Variants in MAP1A observed in about 807,000 individuals in gnomAD.
MAP1A encodes the protein microtubule associated protein 1A, also known as microtubule-associated protein 1A.
MAP1A carries 42 observed loss-of-function variants against 185.9 expected under a neutral mutation model. The ratio of observed to expected loss-of-function variants is 0.23; its 90% CI spans 0.18 to 0.29. The LOEUF (loss-of-function observed/expected upper bound fraction) is 0.29. Ranked by LOEUF, MAP1A falls within the 10% of genes least tolerant of loss-of-function variation. MAP1A has a pLI of 1.00. For missense variants in MAP1A, 2,995 were observed against 3,450.4 expected, an observed-to-expected ratio of 0.87 and a Z score of 3.31; for synonymous variants, 1,229 against 1,335.9, an observed-to-expected ratio of 0.92 and a Z score of 1.74.
Position 43,529,432 on chromosome 15 carries a change from G to A in MAP1A, c.7959G>A (p.Gln2653=). Residue 2653 remains glutamine, a synonymous_variant, in exon 4 of 6, where the codon CAG becomes CAA. Coordinates refer to ENST00000300231, the MANE Select transcript of MAP1A (RefSeq NM_002373.6). The surrounding 1 kb of genome is among the most constrained non-coding windows in gnomAD (Gnocchi z 4.3). ...CTCGACCACGCAGCACCACAAGCCA[G>A]GTCACCCCAGCAGAGGAAAAGGATG... ...APPRPRSTTS[Q]VTPAEEKDGH... is the part of the protein sequence containing the mutation. The A allele has an allele frequency of 6.2e-7, 1 of 1,613,926 alleles. No homozygotes were observed. The highest frequency in any genetic ancestry group is 8.5e-7 in the Non-Finnish European group (1 of 1,179,958).
In MAP1A at chr15:43,521,350, C is replaced by A. The variant is rs762432387; in HGVS notation, c.-124C>A. 7.4e-6 allele frequency: 12 copies of A among 1,612,556 alleles called. No individual in the cohort carries two copies. Among genetic ancestry groups the A allele is most frequent in the African/African-American group, 1.3e-5 (1 of 74,864 alleles). ...TTTCCCAATTGCTCAGCAATAGAGA[C>A]CCTGGGATACAGGCCTTCCTTACCG... On this transcript the variant is annotated 5_prime_UTR_variant, in exon 4 of 6. Transcript: ENST00000300231. The surrounding 1 kb of genome is among the most constrained non-coding windows in gnomAD (Gnocchi z 4.6).
chr15:43,525,250 T>G lies in MAP1A; in HGVS notation c.3777T>G (p.His1259Gln), dbSNP rs572797480. 1.9e-6 allele frequency: 3 copies of G among 1,614,168 alleles called. No individual in the cohort carries two copies. The highest frequency in any genetic ancestry group is 1.3e-5 in the African/African-American group (1 of 75,018). ...HTAPMSVPEP[H>Q]AATASPPTDG... The stretch of plus-strand genomic sequence containing the variant: ...CTCCCATGTCTGTTCCAGAGCCCCA[T>G]GCAGCCACAGCGTCACCTCCCACAG... Residue 1259 changes from histidine to glutamine, a missense_variant, in exon 4 of 6, where the codon CAT becomes CAG. Transcript: ENST00000300231.
chr15:43,530,527 T>C lies in MAP1A; in HGVS notation c.*303T>C, dbSNP rs527360399. On this transcript the variant is annotated 3_prime_UTR_variant, in exon 6 of 6. Coordinates refer to ENST00000300231, the MANE Select transcript of MAP1A (RefSeq NM_002373.6). ...TCAAATGCTGGTATTGAATGGGGAC[T>C]GAGGATGGGTCTCAGAGAGCAACCT... 4.5e-5 allele frequency: 15 copies of C among 330,702 alleles called. No homozygotes were observed. Among genetic ancestry groups the C allele is most frequent in the African/African-American group, 2.9e-4 (14 of 48,290 alleles). 20.5% of individuals were successfully genotyped at this position (330,702 alleles called of 1,614,324 possible).
Position 43,521,176 on chromosome 15 carries a change from G to A in MAP1A, c.-151+64G>A, listed in dbSNP as rs2079317799. The A allele has an allele frequency of 6.7e-7, 1 of 1,503,132 alleles. No individual in the cohort carries two copies. The highest frequency in any genetic ancestry group is 1.4e-5 in the African/African-American group (1 of 71,816). The allele number at this position is 1,503,132 out of a possible 1,614,324, so 93.1% of individuals were successfully genotyped here. ...ACTAGAGCTGTGGGAGGGATCTAAG[G>A]GAAAGTCTCATATTGCATGACCATG... On this transcript the variant is annotated intron_variant, in intron 3 of 5. Transcript: ENST00000300231. The surrounding 1 kb of genome is among the most constrained non-coding windows in gnomAD (Gnocchi z 4.6).
Position 43,526,188 on chromosome 15 carries a change from T to G in MAP1A, c.4715T>G (p.Leu1572Arg). 6.2e-7 allele frequency: 1 copy of G among 1,613,642 alleles called. No individual in the cohort carries two copies. The highest frequency in any genetic ancestry group is 8.5e-7 in the Non-Finnish European group (1 of 1,179,934). ...GCCCTGGAACAAAACATTCAGGCTC[T>G]GGAAGAGAACCACCAAACTCAGGAG... ...DEALEQNIQA[L>R]EENHQTQEQE... Residue 1572 changes from leucine (L) to arginine (R), a missense_variant, in exon 4 of 6, where the codon CTG becomes CGG. By Grantham distance (102) the Leu-to-Arg change is moderately radical. Transcript: ENST00000300231. This position sits in a 1 kb window ranked among gnomAD's most constrained non-coding sequence, Gnocchi z 4.7.
chr15:43,526,621 G>T lies in MAP1A; in HGVS notation c.5148G>T (p.Gly1716=). The T allele has an allele frequency of 6.2e-7, 1 of 1,614,116 alleles. No individual in the cohort carries two copies. Among genetic ancestry groups the T allele is most frequent in the South Asian group, 1.1e-5 (1 of 91,086 alleles). Residue 1716 remains glycine (G), a synonymous_variant, in exon 4 of 6, where the codon GGG becomes GGT. Coordinates refer to ENST00000300231, the MANE Select transcript of MAP1A (RefSeq NM_002373.6). The surrounding 1 kb of genome is among the most constrained non-coding windows in gnomAD (Gnocchi z 4.7). ...VWFPHELDGQ[G]ARPHYTEERE... is the part of the protein sequence containing the mutation. ...TCCCTCACGAGCTGGATGGCCAGGG[G>T]GCCCGCCCACACTACACTGAGGAAC...
At chr15:43,512,239 G>A in exon 2 of MAP1A, 1 of 1,550,468 alleles carries the variant, frequency 6.4e-7, no homozygotes, top group Non-Finnish European at 8.7e-7. Flanking sequence ...TGAACCAACA[G>A]TTGAGACTCT....
chr15:43,513,875 T>A (rs1042442594), upstream of MAP1A, among the ~76,000 whole-genome samples: 1 of 152,206 alleles, frequency 6.6e-6, no homozygotes, highest in African/African-American at 2.4e-5. Context: ...GAGGATGAAA[T>A]TAATGACTGA....
chr15:43,513,933 G>T (rs922715617), upstream of MAP1A, among the ~76,000 whole-genome samples: 3 of 152,202 alleles, frequency 2.0e-5, no homozygotes, highest in African/African-American at 7.2e-5. Flanking sequence ...CACACTGAAT[G>T]CTCTAACCTT....
At chr15:43,512,291 G>C in exon 2 of MAP1A, 1 of 1,525,596 alleles carries the variant, frequency 6.6e-7, no homozygotes, top group Middle Eastern at 1.7e-4. Flanking sequence ...AGAGGTCAAA[G>C]GTTAGGACTA....
In MAP1A at chr15:43,529,911, C is replaced by A. The variant is rs570382566; in HGVS notation, c.8256+41C>A. 6.3e-7 allele frequency: 1 copy of A among 1,593,326 alleles called. No homozygotes were observed. Among genetic ancestry groups the A allele is most frequent in the South Asian group, 1.1e-5 (1 of 90,350 alleles). On this transcript the variant is annotated intron_variant, in intron 5 of 5. Coordinates refer to ENST00000300231, the MANE Select transcript of MAP1A (RefSeq NM_002373.6). The surrounding 1 kb of genome is among the most constrained non-coding windows in gnomAD (Gnocchi z 4.3). The stretch of plus-strand genomic sequence containing the variant: ...CACCAAGGAAGTAGTCTGGTCAACG[C>A]TCACTCAGAGGCAGTAGTGGAACAC...
chr15:43,529,854 G>A lies in MAP1A; in HGVS notation c.8240G>A (p.Trp2747Ter), dbSNP rs762511140. The change falls in exon 5 of 6, where the codon TGG (tryptophan) becomes TAG (stop). Residue 2747 changes from tryptophan (W) to a stop codon, truncating the protein, a stop_gained. Coordinates refer to ENST00000300231, the MANE Select transcript of MAP1A (RefSeq NM_002373.6). LOFTEE classifies it high-confidence loss of function. This position sits in a 1 kb window ranked among gnomAD's most constrained non-coding sequence, Gnocchi z 4.3. Reference sequence around the variant, plus strand: ...GCCCTGCTGGAGGGCAAGGCCCAGTGGGGGGAGAATCTTCAGGTGAGTAGC... The same window carrying A: ...GCCCTGCTGGAGGGCAAGGCCCAGTAGGGGGAGAATCTTCAGGTGAGTAGC... ...LDALLEGKAQ[W>*]GENLQVTLIP... 1.2e-6 allele frequency: 2 copies of A among 1,613,374 alleles called. No homozygotes were observed. Among genetic ancestry groups the A allele is most frequent in the Non-Finnish European group, 1.7e-6 (2 of 1,179,964 alleles).
At position 43,527,721 on chromosome 15, in the gene MAP1A, G is replaced by A; in HGVS notation, c.6248G>A (p.Ser2083Asn). The change falls in exon 4 of 6, where the codon AGC becomes AAC. Residue 2083 changes from serine (S) to asparagine (N), a missense_variant. By Grantham distance (46) the Ser-to-Asn change is conservative. Transcript: ENST00000300231. ...PSPPLNGNIL[S>N]CSPDRRSPSP... is the part of the protein sequence containing the mutation. ...CCCCCTCTTAATGGTAACATCCTGAGCTGCAGCCCAGATAGGAGGTCCCCA... is the reference window on the plus strand; with the variant it reads ...CCCCCTCTTAATGGTAACATCCTGAACTGCAGCCCAGATAGGAGGTCCCCA... 1 of 1,612,728 alleles carries A rather than the reference G, an allele frequency of 6.2e-7. No individual in the cohort carries two copies. The highest frequency in any genetic ancestry group is 1.1e-5 in the South Asian group (1 of 91,036).
chr15:43,520,515 G>C, intron 1 of MAP1A, 126 bp from the exon 2 acceptor site: 1 of 694,414 alleles, frequency 1.4e-6, no homozygotes, highest in East Asian at 2.7e-5. Flanking sequence ...CAGTATCCAA[G>C]GTGGCAGGGC....
Position 43,522,770 on chromosome 15 carries a change from G to A in MAP1A, c.1297G>A (p.Asp433Asn), listed in dbSNP as rs982328000. 1 of 1,569,280 alleles carries A rather than the reference G, an allele frequency of 6.4e-7. No homozygotes were observed. Among genetic ancestry groups the A allele is most frequent in the Non-Finnish European group, 8.7e-7 (1 of 1,155,336 alleles). ...IKKERKELKK[D>N]EGRKEEKKDA... ...AAAGGAGAGGAAAGAGCTCAAGAAG[G>A]ATGAAGGAAGGAAGGAGGAGAAGAA... Residue 433 changes from aspartate (D) to asparagine (N), a missense_variant, in exon 4 of 6, where the codon GAT (aspartate) becomes AAT (asparagine). Around this residue, in one of 3 missense-constraint regions of MAP1A, gnomAD observed 2,728 missense variants for 2,986.0 expected, o/e 0.91. Transcript: ENST00000300231. The surrounding 1 kb of genome is among the most constrained non-coding windows in gnomAD (Gnocchi z 5.9).
rs370939274 is a variant in MAP1A, at chr15:43,528,318, C to T, written c.6845C>T (p.Ala2282Val). 33 of 1,613,982 alleles carry T rather than the reference C, an allele frequency of 2.0e-5. No individual in the cohort carries two copies. The African/African-American group carries it at 4.0e-4, about 20-fold the overall frequency. Residue 2282 changes from alanine (A) to valine (V), a missense_variant, in exon 4 of 6, where the codon GCA (alanine) becomes GTA (valine). Physicochemically the swap from Ala to Val is moderately conservative, Grantham distance 64. Around this residue, in one of 3 missense-constraint regions of MAP1A, gnomAD observed 2,728 missense variants for 2,986.0 expected, o/e 0.91. Transcript: ENST00000300231. ...AERFSPSLEA[A>V]EQESGELDPG... ...CGCTTCTCTCCAAGCCTTGAGGCTG[C>T]AGAACAGGAGTCTGGAGAGCTGGAC...
At position 43,521,222 on chromosome 15, in the gene MAP1A, A is replaced by G; in HGVS notation, c.-150-102A>G. Reference sequence around the variant, plus strand: ...CCATGGGGGGCCCTGGCAGAAAGGTAAGAGTCCACCTTGGAAAGAGGTGAA... The same window carrying G: ...CCATGGGGGGCCCTGGCAGAAAGGTGAGAGTCCACCTTGGAAAGAGGTGAA... On this transcript the variant is annotated intron_variant, in intron 3 of 5. Transcript: ENST00000300231. The surrounding 1 kb of genome is among the most constrained non-coding windows in gnomAD (Gnocchi z 4.6). 1 of 1,474,910 alleles carries G rather than the reference A, an allele frequency of 6.8e-7. No homozygotes were observed. Among genetic ancestry groups the G allele is most frequent in the Admixed American group, 2.4e-5 (1 of 41,914 alleles). 91.4% of individuals were successfully genotyped at this position (1,474,910 alleles called of 1,614,324 possible). A position where few individuals can be genotyped will look rare whatever the true frequency, so the allele number is the denominator to read the frequency against.
intron 1 of MAP1A, among the ~76,000 whole-genome samples, chr15:43,518,159 T>A (rs2079305199): frequency 1.3e-5 from 2 of 151,362 alleles, no homozygotes; most frequent in African/African-American, 4.9e-5. Flanking sequence ...GGGCAGTGAG[T>A]TTTTGCCAAG....
rs375176730 is a variant in MAP1A, at chr15:43,521,715, G to A, written c.242G>A (p.Arg81His). 3.7e-6 allele frequency: 6 copies of A among 1,614,052 alleles called. No individual in the cohort carries two copies. Among genetic ancestry groups the A allele is most frequent in the Non-Finnish European group, 4.2e-6 (5 of 1,180,038 alleles). ...TGGAAGCTGGTACGGCACTTGGACC[G>A]CATTGACTCGGTGCTACTCACACAC... Reference protein sequence around the residue: ...CFWKLVRHLDRIDSVLLTHIG... With the variant: ...CFWKLVRHLDHIDSVLLTHIG... The change falls in exon 4 of 6, where the codon CGC becomes CAC. Residue 81 changes from arginine (R) to histidine (H), a missense_variant. Arg to His is a conservative substitution (Grantham distance 29). Around this residue, in one of 3 missense-constraint regions of MAP1A, gnomAD observed 264 missense variants for 435.3 expected, o/e 0.61. Coordinates refer to ENST00000300231, the MANE Select transcript of MAP1A (RefSeq NM_002373.6). This position sits in a 1 kb window ranked among gnomAD's most constrained non-coding sequence, Gnocchi z 4.6.
Sources: allele counts gnomAD v4.1 joint callset (sites outside exome capture counted in the v4.1 genomes callset), GRCh38; gene constraint gnomAD v4.1.1; regional missense constraint gnomAD v4.1.1; non-coding constraint Gnocchi (gnomAD v3.1); transcripts MANE v1.5; gene names NCBI Gene and HGNC (gene_info 2026-07-23, HGNC 2026-07-21).